WDPCP: variants seen among roughly 807,000 people sequenced by gnomAD.
WDPCP encodes the protein WD repeat-containing and planar cell polarity effector protein fritz homolog.
In WDPCP, 71 loss-of-function variants were observed where a neutral mutation model predicts 93.1. The ratio of observed to expected loss-of-function variants is 0.76; its 90% CI spans 0.63 to 0.93. WDPCP has a LOEUF of 0.93. Among genes scored for constraint, WDPCP ranks in the 40% least tolerant of loss-of-function variants. The pLI, the probability that WDPCP is intolerant of heterozygous loss-of-function variation, is 0.00. For synonymous variants in WDPCP, 315 were observed against 315.0 expected (o/e 1.00, Z 0.00); for missense variants, 844 against 887.4 (o/e 0.95, Z 0.62).
intron 2 of WDPCP, among the ~76,000 whole-genome samples, chr2:63,714,525 T>C (rs1227057006): frequency 1.3e-5 from 2 of 152,104 alleles, no homozygotes; most frequent in African/African-American, 2.4e-5. Flanking sequence ...AAAATTACCA[T>C]ACAACCCAGC....
At chr2:63,192,209 G>C (rs1675103879) in intron 14 of WDPCP, among the ~76,000 whole-genome samples, 1 of 152,146 alleles carries the variant, frequency 6.6e-6, no homozygotes, top group Admixed American at 6.5e-5. Flanking sequence ...AGGAGACCAG[G>C]GTTCTGATCT....
In WDPCP at chr2:63,416,652, T is replaced by C. The variant is rs182582638; in HGVS notation, c.826-11995A>G. Among the ~76,000 whole-genome samples the C allele has an allele frequency of 5.2e-3, 790 of 151,854 alleles. 5 individuals are homozygous for C. Among genetic ancestry groups the C allele is most frequent in the African/African-American group, 6.8e-3 (283 of 41,376 alleles). Reference sequence around the variant, plus strand: ...GATTCTCATGCCTCAGCCTCCCGAGTAGCTGGGATTACAGGTCCCCGCCAC... The same window carrying C: ...GATTCTCATGCCTCAGCCTCCCGAGCAGCTGGGATTACAGGTCCCCGCCAC... On this transcript the variant is annotated intron_variant, in intron 9 of 17. Transcript: ENST00000272321.
At chr2:63,371,858 T>C (rs889335587) in intron 12 of WDPCP, among the ~76,000 whole-genome samples, 3 of 152,200 alleles carry the variant, frequency 2.0e-5, no homozygotes, top group African/African-American at 7.2e-5. Context: ...ATCTAATACT[T>C]CCTAGCCCTG....
At chr2:63,195,685 C>T (rs182033038) in intron 14 of WDPCP, among the ~76,000 whole-genome samples, 58 of 152,052 alleles carry the variant, frequency 3.8e-4, no homozygotes, top group Admixed American at 2.1e-3. Flanking sequence ...TTTGAAAAAA[C>T]TCACAGATGA....
At chr2:63,144,380 T>C (rs1271309985) in intron 17 of WDPCP, among the ~76,000 whole-genome samples, 1 of 152,130 alleles carries the variant, frequency 6.6e-6, no homozygotes, top group Non-Finnish European at 1.5e-5. Context: ...CCTCCTGGGT[T>C]CCAGTGATTC....
At chr2:63,568,975 T>G (rs368666063) in intron 1 of WDPCP, among the ~76,000 whole-genome samples, 2 of 152,232 alleles carry the variant, frequency 1.3e-5, no homozygotes, top group East Asian at 3.8e-4. Context: ...AAGTTACTAT[T>G]TATTCCTAAT....
chr2:63,816,646 CT>C (rs987735420), intron 1 of WDPCP, among the ~76,000 whole-genome samples: 2 of 152,198 alleles, frequency 1.3e-5, no homozygotes, highest in African/African-American at 4.8e-5. Flanking sequence ...TGATTTTGGG[CT>C]TCTGGCCTCC....
chr2:63,149,738 A>G (rs1178443574), intron 17 of WDPCP, among the ~76,000 whole-genome samples: 1 of 152,242 alleles, frequency 6.6e-6, no homozygotes, highest in Non-Finnish European at 1.5e-5. Flanking sequence ...AACAAGAAGA[A>G]TGCACTATGT....
chr2:63,270,864 A>G (rs1682579854), intron 13 of WDPCP, among the ~76,000 whole-genome samples: 2 of 152,138 alleles, frequency 1.3e-5, no homozygotes, highest in Non-Finnish European at 2.9e-5. Context: ...CCAGACAGGT[A>G]GTTTGCGCTG....
rs2103979436 is a variant in WDPCP at position 63,783,129 on chromosome 2, C to G, written n.308+30493G>C. Among the ~76,000 whole-genome samples, 3 of 152,034 alleles carry G rather than the reference C, an allele frequency of 2.0e-5. 1 individual carries two copies. Among genetic ancestry groups the G allele is most frequent in the Admixed American group, 2.0e-4 (3 of 15,242 alleles). ...AGAAATAATTACATCAAAAAGATACCTGGCCAGGCACAGTGGCTCATGCAT... is the reference window on the plus strand; with the variant it reads ...AGAAATAATTACATCAAAAAGATACGTGGCCAGGCACAGTGGCTCATGCAT... On this transcript the variant is annotated intron_variant and non_coding_transcript_variant, in intron 2 of 4. Transcript: ENST00000467687.
chr2:63,318,664 C>T (rs1050732772), intron 12 of WDPCP, among the ~76,000 whole-genome samples: 1 of 151,982 alleles, frequency 6.6e-6, no homozygotes, highest in Admixed American at 6.6e-5. Flanking sequence ...AATACAGGAC[C>T]AAAAAACCAA....
At chr2:63,658,171 T>G (rs1249343159) in intron 2 of WDPCP, among the ~76,000 whole-genome samples, 1 of 152,222 alleles carries the variant, frequency 6.6e-6, no homozygotes, top group African/African-American at 2.4e-5. Flanking sequence ...ATTATACCTT[T>G]GATTCTGATT....
intron 9 of WDPCP, among the ~76,000 whole-genome samples, chr2:63,414,858 C>G (rs534424447): frequency 1.9e-4 from 29 of 152,194 alleles, no homozygotes; most frequent in African/African-American, 6.0e-4. Context: ...ACCACCTTTA[C>G]CCCAATAAGT....
At chr2:63,166,764 C>T (rs1300325142) in intron 15 of WDPCP, among the ~76,000 whole-genome samples, 1 of 152,104 alleles carries the variant, frequency 6.6e-6, no homozygotes, top group Non-Finnish European at 1.5e-5. Flanking sequence ...TGTCCATCAC[C>T]TAAAGCATTT....
At chr2:63,665,350 C>T (rs1032027375) in intron 2 of WDPCP, among the ~76,000 whole-genome samples, 2 of 152,168 alleles carry the variant, frequency 1.3e-5, no homozygotes, top group Non-Finnish European at 2.9e-5. Context: ...GTAAATGCAT[C>T]GTCCCAATCT....
At position 63,514,976 on chromosome 2, in the gene WDPCP, C is replaced by T. The variant is rs557031400; in HGVS notation, c.76-22036G>A. Among the ~76,000 whole-genome samples, 80 of 152,186 alleles carry T rather than the reference C, an allele frequency of 5.3e-4. 1 individual carries two copies. Among genetic ancestry groups the T allele is most frequent in the African/African-American group, 1.9e-3 (77 of 41,500 alleles). ...CAGCATCAGTAATTGGTTTTGGTGC[C>T]AATTCAGGCTGCAGCTGTGTGTCTG... On this transcript the variant is annotated intron_variant, in intron 1 of 17. Coordinates refer to ENST00000272321, the MANE Select transcript of WDPCP (RefSeq NM_015910.7).
At position 63,496,624 on chromosome 2, in the gene WDPCP, G is replaced by A. The variant is rs151273232; in HGVS notation, c.76-3684C>T. Among the ~76,000 whole-genome samples, 115 of 152,208 alleles carry A rather than the reference G, an allele frequency of 7.6e-4. 1 individual carries two copies. The highest frequency in any genetic ancestry group is 2.6e-3 in the African/African-American group (110 of 41,524). ...CTTGTCTTCCAGCTCAGCACCAAAC[G>A]ATCCATATCTAGGACCAATGGTGGT... is the stretch of plus-strand genomic sequence containing the variant. On this transcript the variant is annotated intron_variant, in intron 1 of 17. Coordinates refer to ENST00000272321, the MANE Select transcript of WDPCP (RefSeq NM_015910.7).
chr2:63,221,658 G>C (rs576336054), intron 14 of WDPCP, among the ~76,000 whole-genome samples: 54 of 152,278 alleles, frequency 3.5e-4, no homozygotes, highest in African/African-American at 1.3e-3. Context: ...AAGATACATA[G>C]AACCAGGTGT....
At chr2:63,181,949 T>C (rs968774706) in intron 14 of WDPCP, among the ~76,000 whole-genome samples, 16 of 151,934 alleles carry the variant, frequency 1.1e-4, no homozygotes, top group Non-Finnish European at 1.8e-4. Context: ...GCTATTGTAG[T>C]TCTTGATTTG....
Sources: gnomAD v4.1 joint callset for allele counts (sites outside exome capture counted in the v4.1 genomes callset) on GRCh38, gnomAD v4.1.1 for gene constraint, MANE v1.5 for transcripts, NCBI Gene and HGNC (gene_info 2026-07-23, HGNC 2026-07-21) for gene names.